The following ESR1 variants were observed in gnomAD, a reference collection of about 807,000 sequenced individuals.
The protein encoded by ESR1 is estrogen receptor.
A neutral mutation model predicts 52.7 loss-of-function variants in ESR1; 12 were observed. The ratio of observed to expected loss-of-function variants is 0.23; its 90% CI spans 0.15 to 0.37. The LOEUF is 0.37. Ranked by LOEUF, ESR1 falls within the 10% of genes least tolerant of loss-of-function variation. ESR1 has a pLI of 1.00. For missense variants in ESR1, 584 were observed against 779.7 expected (o/e 0.75, Z 2.99); for synonymous variants, 305 against 316.8 (o/e 0.96, Z 0.39).
chr6:152,087,715 A>C (rs2049852319), intron 6 of ESR1, among the ~76,000 whole-genome samples: 1 of 152,232 alleles, frequency 6.6e-6, no homozygotes, highest in Non-Finnish European at 1.5e-5. Flanking sequence ...TCATTGTAGC[A>C]TTGTGATAGG....
At chr6:152,123,084 C>G (rs1438893376) in intron 6 of ESR1, among the ~76,000 whole-genome samples, 5 of 152,174 alleles carry the variant, frequency 3.3e-5, no homozygotes, top group Non-Finnish European at 5.9e-5. Flanking sequence ...CATTGTTAAG[C>G]AAAATTAGTT....
intron 2 of ESR1, among the ~76,000 whole-genome samples, chr6:151,873,970 A>G (rs887374990): frequency 3.9e-5 from 6 of 152,246 alleles, no homozygotes; most frequent in African/African-American, 1.4e-4. Context: ...TCAATCGGGT[A>G]TAAAAAATAG....
rs545622879 is a variant in ESR1, at chr6:152,031,682, CG to C, written c.1235+19890del. 3.2e-3 allele frequency among the ~76,000 whole-genome samples: 489 copies of C among 152,216 alleles called. 1 individual carries two copies. The highest frequency in any genetic ancestry group is 0.011 in the African/African-American group (458 of 41,528). ...AATCAAAAAAAAGTCCAGGACCAGA[CG>C]GATTCACAGCTGAATTCTACCAGAG... On this transcript the variant is annotated intron_variant, in intron 5 of 7. Coordinates refer to ENST00000206249, the MANE Select transcript of ESR1 (RefSeq NM_000125.4).
At chr6:152,085,264 C>G (rs1406467579) in intron 6 of ESR1, among the ~76,000 whole-genome samples, 1 of 152,102 alleles carries the variant, frequency 6.6e-6, no homozygotes, top group Non-Finnish European at 1.5e-5. Flanking sequence ...GACCACACCA[C>G]TGTACTCCAC....
At chr6:151,783,416 C>G (rs9478240) in intron 2 of ESR1, among the ~76,000 whole-genome samples, 2,408 of 152,306 alleles carry the variant, frequency 0.016, 60 homozygotes, top group African/African-American at 0.055. Flanking sequence ...GAATCTGTCA[C>G]TGCTACAGGC....
intron 6 of ESR1, among the ~76,000 whole-genome samples, chr6:152,079,244 A>C (rs1395262073): frequency 8.5e-5 from 13 of 152,120 alleles, no homozygotes. Flanking sequence ...GCCGACAGAC[A>C]CTTCAAACAG....
At chr6:151,889,267 T>G (rs1794345053) in intron 3 of ESR1, among the ~76,000 whole-genome samples, 1 of 152,198 alleles carries the variant, frequency 6.6e-6, no homozygotes, top group Non-Finnish European at 1.5e-5. Context: ...TTGGTAGAGT[T>G]CAGCAATAAA....
Position 151,769,662 on chromosome 6 carries a change from C to A in ESR1, c.-70-38181C>A, listed in dbSNP as rs569884264. Among the ~76,000 whole-genome samples, 9 of 152,280 alleles carry A rather than the reference C, an allele frequency of 5.9e-5. No individual in the cohort carries two copies. The South Asian group carries it at 1.0e-3, about 18-fold the overall frequency. ...AGACTGGGCTACGCAGGGGCTAGAT[C>A]ATGTGTTCAGTCTGGGATATACTAA... On this transcript the variant is annotated intron_variant, in intron 2 of 2. Transcript: ENST00000404742.
intron 2 of ESR1, among the ~76,000 whole-genome samples, chr6:151,750,815 T>G (rs1783845974): frequency 6.6e-6 from 1 of 151,906 alleles, no homozygotes; most frequent in Admixed American, 6.6e-5. Flanking sequence ...GAAAAAAAAA[T>G]CACGTTCTCA....
intron 3 of ESR1, among the ~76,000 whole-genome samples, chr6:151,941,753 A>G (rs528669281): frequency 1.6e-4 from 25 of 152,276 alleles, no homozygotes; most frequent in South Asian, 1.5e-3. Context: ...GGCAGCTTCT[A>G]TCTTTGTCGT....
intron 5 of ESR1, among the ~76,000 whole-genome samples, chr6:152,012,951 T>C (rs2042899350): frequency 6.6e-6 from 1 of 152,222 alleles, no homozygotes; most frequent in Non-Finnish European, 1.5e-5. Flanking sequence ...ACTGGAGAAT[T>C]GTACAAGGTG....
intron 1 of ESR1, among the ~76,000 whole-genome samples, chr6:151,697,367 C>T (rs1451451120): frequency 2.6e-5 from 4 of 152,150 alleles, no homozygotes; most frequent in African/African-American, 9.7e-5. Flanking sequence ...CACTGATGTG[C>T]GCAGTGAGAA....
chr6:151,728,284 A>T (rs932659546), intron 2 of ESR1, among the ~76,000 whole-genome samples: 3 of 152,242 alleles, frequency 2.0e-5, no homozygotes, highest in African/African-American at 7.2e-5. Context: ...CTCTCAGCCC[A>T]TAGAAGTAAT....
chr6:151,870,765 G>T (rs1213527447), intron 2 of ESR1, among the ~76,000 whole-genome samples: 2 of 152,190 alleles, frequency 1.3e-5, no homozygotes, highest in Non-Finnish European at 2.9e-5. Context: ...AGTGCATGGT[G>T]CACAGAAGGG....
At chr6:151,684,121 A>G (rs1345358378) in intron 1 of ESR1, among the ~76,000 whole-genome samples, 1 of 152,072 alleles carries the variant, frequency 6.6e-6, no homozygotes, top group Non-Finnish European at 1.5e-5. Context: ...TTGTTGCTAG[A>G]GGAGAAGGGT....
intron 2 of ESR1, among the ~76,000 whole-genome samples, chr6:151,853,213 GAAGGAA>G (rs1485913208): frequency 2.7e-5 from 3 of 112,394 alleles, no homozygotes; most frequent in Admixed American, 8.9e-5. Context: ...AAGAAAGAAA[GAAGGAA>G]AAAGAAAGAA....
chr6:151,945,074 T>C (rs1282423989), intron 4 of ESR1, among the ~76,000 whole-genome samples: 1 of 152,014 alleles, frequency 6.6e-6, no homozygotes, highest in African/African-American at 2.4e-5. Context: ...AAAAATTAGC[T>C]GGATGCAGTG....
chr6:151,751,045 A>G (rs1426318336), intron 2 of ESR1, among the ~76,000 whole-genome samples: 4 of 152,246 alleles, frequency 2.6e-5, no homozygotes, highest in Non-Finnish European at 5.9e-5. Flanking sequence ...TTAAAACAGC[A>G]TTTGATAGAC....
chr6:151,946,426 A>G (rs1584397868), intron 4 of ESR1, among the ~76,000 whole-genome samples: 2 of 152,344 alleles, frequency 1.3e-5, no homozygotes, highest in Non-Finnish European at 2.9e-5. Context: ...TGGTTGAAGA[A>G]TTCACATCAA....
Sources: gnomAD v4.1 joint callset for allele counts (sites outside exome capture counted in the v4.1 genomes callset) on GRCh38, gnomAD v4.1.1 for gene constraint, MANE v1.5 for transcripts, NCBI Gene and HGNC (gene_info 2026-07-23, HGNC 2026-07-21) for gene names.